The following MACROD2 variants were observed in gnomAD, a reference collection of about 807,000 sequenced individuals.
The protein encoded by MACROD2 is ADP-ribose glycohydrolase MACROD2.
In MACROD2, 36 loss-of-function variants were observed where a neutral mutation model predicts 70.4. That is an observed-to-expected ratio of 0.51 (90% confidence interval 0.39 to 0.68). The LOEUF is 0.68. MACROD2 is among the 30% of genes least tolerant of loss of function. MACROD2 has a pLI of 0.00. For synonymous variants in MACROD2, 172 were observed against 178.8 expected, an observed-to-expected ratio of 0.96 and a Z score of 0.30; for missense variants, 496 against 538.4, an observed-to-expected ratio of 0.92 and a Z score of 0.78.
chr20:15,160,368 C>T (rs389281), intron 5 of MACROD2, among the ~76,000 whole-genome samples: 88,870 of 151,360 alleles, frequency 0.59, 26,175 homozygotes, highest in East Asian at 0.62. Flanking sequence ...TCCAAAGTTT[C>T]AACTAAAAAC....
chr20:14,717,879 A>G (rs554168248), intron 5 of MACROD2, among the ~76,000 whole-genome samples: 9 of 152,268 alleles, frequency 5.9e-5, no homozygotes, highest in African/African-American at 2.2e-4. Flanking sequence ...GGGAGGAAGG[A>G]GGCAGATAGA....
chr20:14,751,122 T>C (rs1010766277), intron 5 of MACROD2, among the ~76,000 whole-genome samples: 1 of 152,146 alleles, frequency 6.6e-6, no homozygotes, highest in Non-Finnish European at 1.5e-5. Flanking sequence ...ATAAGCACAA[T>C]GTGAATAACA....
chr20:14,993,004 T>G (rs2074918491), intron 5 of MACROD2, among the ~76,000 whole-genome samples: 2 of 152,040 alleles, frequency 1.3e-5, no homozygotes, highest in Admixed American at 1.3e-4. Context: ...GATCTTCCAT[T>G]GTATTCTGGA....
rs866408303 is a variant in MACROD2, at chr20:14,285,618, A to G, written c.271+199890A>G. On this transcript the variant is annotated intron_variant, in intron 3 of 17. Coordinates refer to ENST00000684519, the MANE Select transcript of MACROD2 (RefSeq NM_001351661.2). ...AAACAATAAAAAAAACTAAACTTAG[A>G]AAAAAAAAAAACTTGAGGACTTTTC... Among the ~76,000 whole-genome samples, 32 of 145,362 alleles carry G rather than the reference A, an allele frequency of 2.2e-4. No individual in the cohort carries two copies. The Middle Eastern group carries it at 0.011, about 49-fold the overall frequency.
At chr20:14,879,104 A>G (rs1041046618) in intron 5 of MACROD2, among the ~76,000 whole-genome samples, 3 of 152,012 alleles carry the variant, frequency 2.0e-5, no homozygotes, top group Non-Finnish European at 4.4e-5. Context: ...TGAGCTCCGT[A>G]TTTTTTATCT....
At chr20:15,265,104 G>A (rs144985362) in intron 6 of MACROD2, among the ~76,000 whole-genome samples, 40 of 152,276 alleles carry the variant, frequency 2.6e-4, no homozygotes, top group Non-Finnish European at 4.9e-4. Context: ...TGTGAAATAG[G>A]TATACTTGAT....
In MACROD2 at chr20:15,321,355, C is replaced by A. The variant is rs186805254; in HGVS notation, c.540+91294C>A. Among the ~76,000 whole-genome samples the A allele has an allele frequency of 1.2e-3, 172 of 144,394 alleles. 17 individuals are homozygous for A. The highest frequency in any genetic ancestry group is 4.2e-3 in the African/African-American group (170 of 40,476). 94.7% of individuals were successfully genotyped at this position (144,394 alleles called of 152,430 possible). A position where few individuals can be genotyped will look rare whatever the true frequency, so the allele number is the denominator to read the frequency against. The stretch of plus-strand genomic sequence containing the variant: ...TTGTGTTTTCATTTTGCCCTCTCAA[C>A]AAACTATTTCTAGTCCTTAGCTCAG... On this transcript the variant is annotated intron_variant, in intron 6 of 17. Coordinates refer to ENST00000684519, the MANE Select transcript of MACROD2 (RefSeq NM_001351661.2).
intron 8 of MACROD2, among the ~76,000 whole-genome samples, chr20:15,799,706 G>T (rs2063706788): frequency 6.6e-6 from 1 of 152,116 alleles, no homozygotes; most frequent in South Asian, 2.1e-4. Context: ...GGACAGTAAG[G>T]TTGATTCCCC....
intron 3 of MACROD2, among the ~76,000 whole-genome samples, chr20:14,086,897 A>G (rs1005190516): frequency 2.0e-5 from 3 of 152,196 alleles, no homozygotes; most frequent in African/African-American, 7.2e-5. Flanking sequence ...TCTTTCCAAG[A>G]ATACAGAGTT....
intron 5 of MACROD2, among the ~76,000 whole-genome samples, chr20:15,226,124 A>C (rs901543574): frequency 6.6e-6 from 1 of 151,944 alleles, no homozygotes; most frequent in South Asian, 2.1e-4. Flanking sequence ...GAGAGCTGCA[A>C]AAAAAAATGT....
chr20:14,979,018 C>T (rs2074772273), intron 5 of MACROD2, among the ~76,000 whole-genome samples: 1 of 149,786 alleles, frequency 6.7e-6, no homozygotes. Flanking sequence ...GTGGTGTTAT[C>T]ATAGCTCACT....
chr20:15,407,392 T>C (rs1247189534), intron 6 of MACROD2, among the ~76,000 whole-genome samples: 1 of 152,204 alleles, frequency 6.6e-6, no homozygotes. Context: ...ACCTGTTCAC[T>C]AGTGTACACT....
At chr20:15,917,410 G>A (rs1017928278) in intron 10 of MACROD2, among the ~76,000 whole-genome samples, 4 of 152,138 alleles carry the variant, frequency 2.6e-5, no homozygotes, top group East Asian at 1.9e-4. Flanking sequence ...TATGCCTCAC[G>A]TGAATAACAA....
intron 3 of MACROD2, among the ~76,000 whole-genome samples, chr20:14,423,949 A>G (rs1308185410): frequency 6.6e-6 from 1 of 151,184 alleles, no homozygotes; most frequent in Non-Finnish European, 1.5e-5. Flanking sequence ...TTTAGTAGAG[A>G]CGGGGTTTCT....
chr20:15,892,715 G>A (rs1249552809), intron 10 of MACROD2, among the ~76,000 whole-genome samples: 3 of 152,212 alleles, frequency 2.0e-5, no homozygotes, highest in African/African-American at 7.2e-5. Context: ...CTACAAAAAT[G>A]TTTTAGCTTA....
At position 14,338,140 on chromosome 20, in the gene MACROD2, G is replaced by A. The variant is rs1480336501; in HGVS notation, c.272-155339G>A. Among the ~76,000 whole-genome samples, 3 of 152,140 alleles carry A rather than the reference G, an allele frequency of 2.0e-5. No individual in the cohort carries two copies. In the East Asian group the frequency reaches 5.8e-4, roughly 29 times the overall value. On this transcript the variant is annotated intron_variant, in intron 3 of 17. Transcript: ENST00000684519. ...ATCAGGGCTGGGTGTGGTGGCTCAC[G>A]CCTCTAATTCCGGCACTTTGGGAGG...
At chr20:14,400,175 A>C (rs1000070585) in intron 3 of MACROD2, among the ~76,000 whole-genome samples, 2 of 152,178 alleles carry the variant, frequency 1.3e-5, no homozygotes, top group Admixed American at 6.5e-5. Flanking sequence ...ATCCCTATCA[A>C]TATCTTAACT....
chr20:15,512,290 T>A lies in MACROD2; in HGVS notation c.645+12443T>A, dbSNP rs535940765. Among the ~76,000 whole-genome samples the A allele has an allele frequency of 1.6e-3, 247 of 152,372 alleles. 1 individual carries two copies. The highest frequency in any genetic ancestry group is 5.8e-3 in the African/African-American group (240 of 41,590). Reference sequence around the variant, plus strand: ...ATATCTTTGGGAGTTGCTAGACAGCTTTTGTGGCACCCTGTAAACAGTAGA... The same window carrying A: ...ATATCTTTGGGAGTTGCTAGACAGCATTTGTGGCACCCTGTAAACAGTAGA... On this transcript the variant is annotated intron_variant, in intron 8 of 17. Transcript: ENST00000684519.
intron 5 of MACROD2, among the ~76,000 whole-genome samples, chr20:14,695,254 C>A (rs1034675791): frequency 6.6e-6 from 1 of 152,126 alleles, no homozygotes; most frequent in South Asian, 2.1e-4. Context: ...CCATTGGCCT[C>A]AGGTGTTTCT....
Sources: allele counts gnomAD v4.1 joint callset (sites outside exome capture counted in the v4.1 genomes callset), GRCh38; gene constraint gnomAD v4.1.1; transcripts MANE v1.5; gene names NCBI Gene and HGNC (gene_info 2026-07-23, HGNC 2026-07-21).